Variants in GRIN3A observed in about 807,000 individuals in gnomAD.
The protein encoded by GRIN3A is glutamate ionotropic receptor NMDA type subunit 3A.
Under a neutral mutation model 92.4 loss-of-function variants are expected in GRIN3A, and 47 were observed. The ratio of observed to expected loss-of-function variants is 0.51; its 90% CI spans 0.40 to 0.65. The LOEUF (loss-of-function observed/expected upper bound fraction) is 0.65, where lower values mean the gene tolerates loss of function less well. Among genes scored for constraint, GRIN3A ranks in the 30% least tolerant of loss-of-function variants. The pLI is 0.00. For missense variants in GRIN3A, 1,324 were observed against 1,393.1 expected, an observed-to-expected ratio of 0.95 and a Z score of 0.79; for synonymous variants, 527 against 540.6, an observed-to-expected ratio of 0.97 and a Z score of 0.35.
chr9:101,630,023 G>A (rs376419939), intron 3 of GRIN3A, among the ~76,000 whole-genome samples: 4 of 152,140 alleles, frequency 2.6e-5, no homozygotes, highest in African/African-American at 7.2e-5. Flanking sequence ...TTGAACCCCC[G>A]GGGCTGTTCT....
At position 101,715,596 on chromosome 9, in the gene GRIN3A, G is replaced by A. The variant is rs1829935123; in HGVS notation, c.699+21685C>T. Among the ~76,000 whole-genome samples the A allele has an allele frequency of 1.3e-5, 2 of 151,780 alleles. 1 individual carries two copies. The highest frequency in any genetic ancestry group is 4.2e-4 in the South Asian group (2 of 4,814). ...CACATTTTTTTGATTTTTATCATTA[G>A]AAAAAAAATCAGCAAAACAGGTAGA... On this transcript the variant is annotated intron_variant, in intron 1 of 8. Transcript: ENST00000361820.
At chr9:101,647,749 T>C (rs12348275) in intron 3 of GRIN3A, among the ~76,000 whole-genome samples, 13,431 of 151,894 alleles carry the variant, frequency 0.088, 859 homozygotes, top group East Asian at 0.22. Context: ...AAGAATTTCT[T>C]CTAGGTTTTT....
At chr9:101,621,674 A>C (rs1377157577) in intron 5 of GRIN3A, among the ~76,000 whole-genome samples, 2 of 152,172 alleles carry the variant, frequency 1.3e-5, no homozygotes, top group East Asian at 3.9e-4. Flanking sequence ...ACAGGAAACC[A>C]GTGGGGAGTT....
At position 101,686,715 on chromosome 9, in the gene GRIN3A, C is replaced by G. The variant is rs772209147; in HGVS notation, c.1185G>C (p.Leu395=). 6.2e-7 allele frequency: 1 copy of G among 1,614,178 alleles called. No individual in the cohort carries two copies. The highest frequency in any genetic ancestry group is 8.5e-7 in the Non-Finnish European group (1 of 1,180,032). ...FEHYVQDAME[L]VARAVATATM... is the part of the protein sequence containing the mutation. Reference sequence around the variant, plus strand: ...TGGCTGTGGCTACAGCTCTTGCGACCAGCTCCATAGCATCTTGTACGTAGT... The same window carrying G: ...TGGCTGTGGCTACAGCTCTTGCGACGAGCTCCATAGCATCTTGTACGTAGT... The change falls in exon 2 of 9, where the codon CTG becomes CTC. Residue 395 remains leucine, a synonymous_variant. Transcript: ENST00000361820.
chr9:101,638,640 C>A (rs1487280000), intron 3 of GRIN3A, among the ~76,000 whole-genome samples: 1 of 152,214 alleles, frequency 6.6e-6, no homozygotes, highest in African/African-American at 2.4e-5. Context: ...TGTAGCTCAC[C>A]ATGTGCCAGG....
intron 3 of GRIN3A, among the ~76,000 whole-genome samples, chr9:101,667,570 T>C (rs1829257263): frequency 6.6e-6 from 1 of 152,010 alleles, no homozygotes; most frequent in South Asian, 2.1e-4. Context: ...TTTGACTCAT[T>C]TACCTCTGAA....
chr9:101,641,473 CT>C (rs1039905565), intron 3 of GRIN3A, among the ~76,000 whole-genome samples: 3 of 152,110 alleles, frequency 2.0e-5, no homozygotes, highest in African/African-American at 7.2e-5. Context: ...AGTTCATGTC[CT>C]TTGTAGGGAC....
At chr9:101,625,276 C>T (rs779729239) in intron 4 of GRIN3A, among the ~76,000 whole-genome samples, 3 of 152,134 alleles carry the variant, frequency 2.0e-5, no homozygotes, top group Non-Finnish European at 4.4e-5. Context: ...TAACTCTTTT[C>T]TATCCCTTCT....
In GRIN3A at chr9:101,738,298, C is replaced by T; in HGVS notation, c.-319G>A. Reference sequence around the variant, plus strand: ...TTCCCTGCCCGCCCCATCTGCAGGGCGCCTCGGGCACTGCGTCCGGCCCCG... The same window carrying T: ...TTCCCTGCCCGCCCCATCTGCAGGGTGCCTCGGGCACTGCGTCCGGCCCCG... On this transcript the variant is annotated 5_prime_UTR_variant, in exon 1 of 9. Coordinates refer to ENST00000361820, the MANE Select transcript of GRIN3A (RefSeq NM_133445.3). 2 of 395,136 alleles carry T rather than the reference C, an allele frequency of 5.1e-6. No individual in the cohort carries two copies. Among genetic ancestry groups the T allele is most frequent in the East Asian group, 5.6e-5 (1 of 17,700 alleles). 24.5% of individuals were successfully genotyped at this position (395,136 alleles called of 1,614,324 possible).
chr9:101,603,504 C>T (rs958182476), intron 6 of GRIN3A, among the ~76,000 whole-genome samples: 1 of 152,160 alleles, frequency 6.6e-6, no homozygotes, highest in Non-Finnish European at 1.5e-5. Flanking sequence ...AGTGGTGGAG[C>T]TGGGAGTCAA....
chr9:101,579,482 A>T, intron 6 of GRIN3A, 122 bp from the exon 7 acceptor site: 2 of 936,680 alleles, frequency 2.1e-6, no homozygotes, highest in Non-Finnish European at 3.4e-6. Flanking sequence ...GCTGGAGACT[A>T]TTTCTCCCTG....
intron 3 of GRIN3A, among the ~76,000 whole-genome samples, chr9:101,668,215 T>A (rs1384644627): frequency 2.1e-5 from 3 of 145,602 alleles, no homozygotes; most frequent in Non-Finnish European, 3.1e-5. Context: ...TTTAATACTT[T>A]AGCATAATCA....
chr9:101,639,017 C>A (rs1828818855), intron 3 of GRIN3A, among the ~76,000 whole-genome samples: 1 of 152,184 alleles, frequency 6.6e-6, no homozygotes, highest in African/African-American at 2.4e-5. Flanking sequence ...CTCATTTCAG[C>A]CTTCCTATGC....
In GRIN3A at chr9:101,573,382, G is replaced by A. The variant is rs79086883; in HGVS notation, c.3140C>T (p.Pro1047Leu). Residue 1047 changes from proline (P) to leucine (L), a missense_variant, in exon 9 of 9, where the codon CCC becomes CTC. Physicochemically the swap from Pro to Leu is moderately conservative, Grantham distance 98. Transcript: ENST00000361820. ...QLGIRIHQDI[P>L]LPPRRRELPA... ...GAGCTCTCTTCTCCTTGGAGGGAGG[G>A]GGATGTCCTGGTGGATCCGGATGCC... is the stretch of plus-strand genomic sequence containing the variant. 6.2e-7 allele frequency: 1 copy of A among 1,614,022 alleles called. No individual in the cohort carries two copies. The highest frequency in any genetic ancestry group is 1.3e-5 in the African/African-American group (1 of 75,002).
chr9:101,687,917 G>C (rs1016305281), intron 1 of GRIN3A, among the ~76,000 whole-genome samples: 9 of 152,086 alleles, frequency 5.9e-5, no homozygotes, highest in Non-Finnish European at 1.2e-4. Flanking sequence ...CAAACTTCAT[G>C]GAAGAAGAGA....
intron 1 of GRIN3A, among the ~76,000 whole-genome samples, chr9:101,720,556 T>A (rs1262469259): frequency 6.6e-6 from 1 of 152,180 alleles, no homozygotes; most frequent in Non-Finnish European, 1.5e-5. Flanking sequence ...ACCAGAACTC[T>A]GCTATACAAT....
In GRIN3A at chr9:101,580,853, A is replaced by G. The variant is rs369289653; in HGVS notation, c.2767-1493T>C. On this transcript the variant is annotated intron_variant, in intron 6 of 8. Transcript: ENST00000361820. ...CCTGGGCTCTTTCTGCTCTACTGCT[A>G]TATACCAAAACAGCAGCAGTTATAG... 7.9e-5 allele frequency among the ~76,000 whole-genome samples: 12 copies of G among 152,330 alleles called. No homozygotes were observed. The East Asian group carries it at 9.6e-4, about 12-fold the overall frequency.
intron 2 of GRIN3A, among the ~76,000 whole-genome samples, chr9:101,673,354 T>A (rs906721119): frequency 6.6e-6 from 1 of 152,122 alleles, no homozygotes; most frequent in African/African-American, 2.4e-5. Flanking sequence ...CCCAGTTGTC[T>A]TTGAGCCAGT....
chr9:101,645,085 C>T (rs976493756), intron 3 of GRIN3A, among the ~76,000 whole-genome samples: 11 of 151,812 alleles, frequency 7.2e-5, no homozygotes, highest in South Asian at 6.2e-4. Flanking sequence ...TACTGTGCTA[C>T]CAAACACTGT....
Sources: gnomAD v4.1 joint callset for allele counts (sites outside exome capture counted in the v4.1 genomes callset) on GRCh38, gnomAD v4.1.1 for gene constraint, MANE v1.5 for transcripts, NCBI Gene and HGNC (gene_info 2026-07-23, HGNC 2026-07-21) for gene names.